The following CDK13 variants were observed in gnomAD, a reference collection of about 807,000 sequenced individuals.
The protein encoded by CDK13 is cyclin dependent kinase 13, also known as cyclin-dependent kinase 13.
A neutral mutation model predicts 137.6 loss-of-function variants in CDK13; 40 were observed. The ratio of observed to expected loss-of-function variants is 0.29; its 90% CI spans 0.23 to 0.38. The LOEUF (loss-of-function observed/expected upper bound fraction) is 0.38, where lower values mean the gene tolerates loss of function less well. Ranked by LOEUF, CDK13 falls within the 10% of genes least tolerant of loss-of-function variation. The probability of loss-of-function intolerance (pLI) is 1.00; values close to 1 mark genes in which losing one functional copy is unlikely to be tolerated. For synonymous variants in CDK13, 869 were observed against 760.1 expected (o/e 1.14, Z -2.36); for missense variants, 1,704 against 1,951.8 (o/e 0.87, Z 2.39).
intron 11 of CDK13, among the ~76,000 whole-genome samples, chr7:40,080,442 A>C (rs1786641338): frequency 6.6e-6 from 1 of 152,154 alleles, no homozygotes; most frequent in Admixed American, 6.6e-5. Flanking sequence ...CTTATCAGTT[A>C]GATAGTGCTT....
Position 40,094,413 on chromosome 7 carries a change from A to C in CDK13, c.3972A>C (p.Gln1324His), listed in dbSNP as rs1786998073. The C allele has an allele frequency of 1.2e-5, 19 of 1,614,086 alleles. No individual in the cohort carries two copies. Among genetic ancestry groups the C allele is most frequent in the Non-Finnish European group, 1.4e-5 (16 of 1,180,014 alleles). The change falls in exon 14 of 14, where the codon CAA (glutamine) becomes CAC (histidine). Residue 1324 changes from glutamine (Q) to histidine (H), a missense_variant. By Grantham distance (24) the Gln-to-His change is conservative. Transcript: ENST00000181839. The stretch of plus-strand genomic sequence containing the variant: ...AAAGAGAAGGTGGGATTGATTATCA[A>C]GCAGGAGACACTTACGTGTCCACTT... ...DPKREGGIDYQAGDTYVSTSD... is the reference protein window; with the variant it reads ...DPKREGGIDYHAGDTYVSTSD...
intron 1 of CDK13, among the ~76,000 whole-genome samples, chr7:39,978,141 C>A (rs1015827722): frequency 6.6e-6 from 1 of 152,058 alleles, no homozygotes; most frequent in African/African-American, 2.4e-5. Flanking sequence ...TTTAGGTAAT[C>A]ATTTAAGCCA....
rs886212441 is a variant in CDK13 at position 39,952,703 on chromosome 7, T to C, written c.1211+851T>C. The C allele has an allele frequency of 2.6e-5, 4 of 152,192 alleles. No homozygotes were observed. In the East Asian group the frequency reaches 7.7e-4, roughly 29 times the overall value. 9.4% of individuals were successfully genotyped at this position (152,192 alleles called of 1,614,324 possible). ...AGCTAAGTAGACTTTTTCTTAGATA[T>C]ATACCCGAAGGATAAAAACACAATA... On this transcript the variant is annotated intron_variant, in intron 1 of 13. Coordinates refer to ENST00000181839, the MANE Select transcript of CDK13 (RefSeq NM_003718.5).
chr7:40,055,312 T>A (rs1333827119), intron 7 of CDK13, among the ~76,000 whole-genome samples: 1 of 152,162 alleles, frequency 6.6e-6, no homozygotes, highest in African/African-American at 2.4e-5. Flanking sequence ...TGATAACATC[T>A]AAGAAGTCGA....
chr7:40,067,251 A>G (rs1183707315), intron 9 of CDK13: 1 of 152,130 alleles, frequency 6.6e-6, no homozygotes, highest in African/African-American at 2.4e-5. Context: ...TTTAACCATT[A>G]CTCCAAAGTA....
chr7:40,057,262 A>G (rs1786040994), intron 7 of CDK13, among the ~76,000 whole-genome samples: 1 of 152,200 alleles, frequency 6.6e-6, no homozygotes, highest in Non-Finnish European at 1.5e-5. Flanking sequence ...TCAAAAGAAA[A>G]AAAAAATTTT....
chr7:40,003,296 G>T (rs1328783986), intron 5 of CDK13, among the ~76,000 whole-genome samples: 1 of 151,814 alleles, frequency 6.6e-6, no homozygotes, highest in Non-Finnish European at 1.5e-5. Flanking sequence ...TAAAGGAACT[G>T]TTTGAAAGTA....
At chr7:39,970,639 TTA>T (rs1347957156) in intron 1 of CDK13, among the ~76,000 whole-genome samples, 1 of 152,060 alleles carries the variant, frequency 6.6e-6, no homozygotes, top group Non-Finnish European at 1.5e-5. Flanking sequence ...TTTTGTATTT[TTA>T]GTAGAGCTGG....
chr7:39,959,254 C>T (rs1210777036), intron 1 of CDK13, among the ~76,000 whole-genome samples: 12 of 151,824 alleles, frequency 7.9e-5, no homozygotes, highest in African/African-American at 2.7e-4. Context: ...CTCTGCCTCC[C>T]GGGTTCAAGC....
chr7:40,086,384 A>G (rs1456184427), intron 11 of CDK13, among the ~76,000 whole-genome samples: 1 of 152,196 alleles, frequency 6.6e-6, no homozygotes, highest in African/African-American at 2.4e-5. Flanking sequence ...GGTATATATT[A>G]CCAGGTGGGG....
intron 5 of CDK13, among the ~76,000 whole-genome samples, chr7:40,003,971 G>A (rs1784747199): frequency 6.6e-6 from 1 of 152,180 alleles, no homozygotes; most frequent in Admixed American, 6.5e-5. Flanking sequence ...CCTAATAAGT[G>A]GGAATAATTA....
chr7:40,005,127 T>C (rs1784769714), intron 5 of CDK13, among the ~76,000 whole-genome samples: 2 of 151,156 alleles, frequency 1.3e-5, no homozygotes, highest in Non-Finnish European at 2.9e-5. Flanking sequence ...TGAGCCGAGA[T>C]TGCACCATTG....
chr7:40,086,743 AG>A (rs1387828010), intron 11 of CDK13, among the ~76,000 whole-genome samples: 16 of 151,276 alleles, frequency 1.1e-4, no homozygotes, highest in African/African-American at 3.7e-4. Flanking sequence ...TGGATAGACA[AG>A]CAAGTTAGTA....
At chr7:39,952,048 A>G (rs1583895787) in intron 1 of CDK13, 196 bp downstream of exon 1, 2 of 440,940 alleles carry the variant, frequency 4.5e-6, no homozygotes, top group Admixed American at 4.4e-5. Flanking sequence ...GGACAAAGCA[A>G]CTGGGCGAAG....
chr7:40,010,564 A>T (rs1480803742), intron 5 of CDK13, among the ~76,000 whole-genome samples: 1 of 152,208 alleles, frequency 6.6e-6, no homozygotes, highest in East Asian at 1.9e-4. Flanking sequence ...TGCACCTGTA[A>T]TCCCAGCTAC....
At chr7:40,059,785 A>G (rs1363203973) in intron 7 of CDK13, among the ~76,000 whole-genome samples, 1 of 152,244 alleles carries the variant, frequency 6.6e-6, no homozygotes, top group African/African-American at 2.4e-5. Context: ...TGTTTTATAA[A>G]AAGTATGTAT....
intron 2 of CDK13, among the ~76,000 whole-genome samples, chr7:39,993,748 G>C (rs1417703809): frequency 6.6e-6 from 1 of 151,868 alleles, no homozygotes; most frequent in Non-Finnish European, 1.5e-5. Context: ...ATAATTATTC[G>C]CTATTAAACT....
At chr7:40,092,257 T>C (rs1351117342) in intron 12 of CDK13, 6 of 153,462 alleles carry the variant, frequency 3.9e-5, no homozygotes, top group Non-Finnish European at 7.3e-5. Flanking sequence ...AGAGCTCAGA[T>C]TGTGGAATCA....
At chr7:40,016,816 C>G (rs1785014081) in intron 5 of CDK13, among the ~76,000 whole-genome samples, 1 of 151,928 alleles carries the variant, frequency 6.6e-6, no homozygotes, top group Admixed American at 6.6e-5. Context: ...CTTTTTATCT[C>G]TCAAAAGTGG....
Sources: allele counts gnomAD v4.1 joint callset (sites outside exome capture counted in the v4.1 genomes callset), GRCh38; gene constraint gnomAD v4.1.1; transcripts MANE v1.5; gene names NCBI Gene and HGNC (gene_info 2026-07-23, HGNC 2026-07-21).